The following PRR5L variants were observed in gnomAD, a reference collection of about 807,000 sequenced individuals.
PRR5L encodes proline rich 5 like.
A neutral mutation model predicts 36.4 loss-of-function variants in PRR5L; 21 were observed. That is an observed-to-expected ratio of 0.58 (90% CI 0.41 to 0.83). PRR5L has a LOEUF of 0.83. Among genes scored for constraint, PRR5L ranks in the 40% least tolerant of loss-of-function variants. The pLI is 0.00. For synonymous variants in PRR5L, 188 were observed against 197.0 expected (o/e 0.95, Z 0.38); for missense variants, 381 against 473.3 (o/e 0.80, Z 1.81).
intron 1 of PRR5L, among the ~76,000 whole-genome samples, chr11:36,389,585 T>C (rs1051982532): frequency 6.6e-6 from 1 of 150,918 alleles, no homozygotes; most frequent in African/African-American, 2.4e-5. Context: ...TTCAGTACCA[T>C]GGTGTTTACC....
intron 1 of PRR5L, among the ~76,000 whole-genome samples, chr11:36,303,268 G>C (rs1461898417): frequency 6.6e-6 from 1 of 152,200 alleles, no homozygotes; most frequent in Non-Finnish European, 1.5e-5. Context: ...AAATCTATAG[G>C]ACTTGGTACT....
chr11:36,310,049 G>T (rs1856483807), intron 1 of PRR5L, among the ~76,000 whole-genome samples: 1 of 7,512 alleles, frequency 1.3e-4, no homozygotes, highest in Admixed American at 1.9e-3. Context: ...GAAGCCTGTT[G>T]TGTCCTCTCA....
chr11:36,404,376 A>G (rs1245891098), intron 3 of PRR5L, among the ~76,000 whole-genome samples: 1 of 151,410 alleles, frequency 6.6e-6, no homozygotes, highest in African/African-American at 2.4e-5. Flanking sequence ...GGATCAAGCA[A>G]TTCCCTGCCT....
chr11:36,298,673 C>A (rs980899670), intron 1 of PRR5L, among the ~76,000 whole-genome samples: 1 of 152,222 alleles, frequency 6.6e-6, no homozygotes, highest in Non-Finnish European at 1.5e-5. Flanking sequence ...TCCTAACAGA[C>A]CACAGACCAG....
intron 5 of PRR5L, among the ~76,000 whole-genome samples, chr11:36,433,706 C>T (rs771932825): frequency 1.3e-5 from 2 of 152,234 alleles, no homozygotes; most frequent in South Asian, 2.1e-4. Context: ...CGTGCCACCA[C>T]GCCCAGCTAA....
At chr11:36,444,744 C>T (rs961674491) in intron 6 of PRR5L, among the ~76,000 whole-genome samples, 3 of 152,198 alleles carry the variant, frequency 2.0e-5, no homozygotes, top group African/African-American at 7.2e-5. Flanking sequence ...TCCTTTTTCT[C>T]TCTTCCCACA....
At chr11:36,335,539 C>T (rs1856760935) in intron 1 of PRR5L, among the ~76,000 whole-genome samples, 1 of 152,116 alleles carries the variant, frequency 6.6e-6, no homozygotes. Context: ...AGAAACAGGA[C>T]TGGTGTGCAG....
chr11:36,366,855 C>T (rs994226828), intron 1 of PRR5L, among the ~76,000 whole-genome samples: 3 of 152,148 alleles, frequency 2.0e-5, no homozygotes, highest in Non-Finnish European at 4.4e-5. Context: ...AGAATTCTTT[C>T]ACAGTAGAGT....
chr11:36,432,168 GT>G (rs932047822), intron 5 of PRR5L, among the ~76,000 whole-genome samples: 4 of 143,066 alleles, frequency 2.8e-5, no homozygotes, highest in African/African-American at 1.2e-4. Flanking sequence ...TTTTTGTTTT[GT>G]TTTTGTTTTT....
At chr11:36,395,204 T>C (rs532089878) in intron 1 of PRR5L, among the ~76,000 whole-genome samples, 7 of 152,300 alleles carry the variant, frequency 4.6e-5, no homozygotes, top group African/African-American at 1.4e-4. Context: ...TATCTACCCA[T>C]AGGGGACTGG....
chr11:36,437,828 C>T (rs331482), intron 6 of PRR5L, among the ~76,000 whole-genome samples: 40,192 of 151,816 alleles, frequency 0.26, 5,604 homozygotes, highest in South Asian at 0.43. Flanking sequence ...CTGCCTCTAT[C>T]TTTCTTCTCT....
chr11:36,346,354 C>A (rs1485326881), intron 1 of PRR5L, among the ~76,000 whole-genome samples: 1 of 152,080 alleles, frequency 6.6e-6, no homozygotes, highest in African/African-American at 2.4e-5. Context: ...GAGGCTGAGG[C>A]GGGTGGATCA....
intron 3 of PRR5L, among the ~76,000 whole-genome samples, chr11:36,411,247 C>T (rs1284484601): frequency 6.6e-6 from 1 of 152,164 alleles, no homozygotes; most frequent in Non-Finnish European, 1.5e-5. Context: ...TCCTGCTGTC[C>T]CTGCGCCTCT....
At chr11:36,354,802 A>T in intron 1 of PRR5L, among the ~76,000 whole-genome samples, 1 of 152,172 alleles carries the variant, frequency 6.6e-6, no homozygotes, top group East Asian at 1.9e-4. Context: ...AGGGAATCAT[A>T]CGGTATGTGA....
chr11:36,464,882 G>C lies in PRR5L; in HGVS notation c.*2146G>C, dbSNP rs1345433577. 1 of 152,192 alleles carries C rather than the reference G, an allele frequency of 6.6e-6. No homozygotes were observed. The highest frequency in any genetic ancestry group is 2.4e-5 in the African/African-American group (1 of 41,444). 9.4% of individuals were successfully genotyped at this position (152,192 alleles called of 1,614,324 possible). On this transcript the variant is annotated 3_prime_UTR_variant, in exon 9 of 9. Coordinates refer to ENST00000530639, the MANE Select transcript of PRR5L (RefSeq NM_001160167.2). Reference sequence around the variant, plus strand: ...GTCAGTATAGACCCAGTGTACTTAAGTGCTGATGACTGTTAGCCAGTTTAC... The same window carrying C: ...GTCAGTATAGACCCAGTGTACTTAACTGCTGATGACTGTTAGCCAGTTTAC...
intron 1 of PRR5L, chr11:36,395,985 C>T (rs1444042645): frequency 6.6e-6 from 1 of 152,228 alleles, no homozygotes; most frequent in Non-Finnish European, 1.5e-5. Flanking sequence ...CCGCCTCAGC[C>T]TCCCAAAGTG....
intron 4 of PRR5L, among the ~76,000 whole-genome samples, chr11:36,430,800 TCGCACAGCTAG>T (rs1858477342): frequency 6.6e-6 from 1 of 152,218 alleles, no homozygotes; most frequent in Admixed American, 6.5e-5. Context: ...AAATACAAAA[TCGCACAGCTAG>T]AATGTAGCTG....
chr11:36,362,045 AG>A (rs1478579974), intron 1 of PRR5L: 1 of 137,548 alleles, frequency 7.3e-6, no homozygotes, highest in Non-Finnish European at 1.6e-5. Context: ...ATAACAAATG[AG>A]TACATAAAAG....
At chr11:36,314,119 C>G (rs977516204) in intron 1 of PRR5L, among the ~76,000 whole-genome samples, 1 of 152,162 alleles carries the variant, frequency 6.6e-6, no homozygotes, top group Non-Finnish European at 1.5e-5. Context: ...AGTGTAGAAA[C>G]TTAGTCTCAA....
Sources: gnomAD v4.1 joint callset for allele counts (sites outside exome capture counted in the v4.1 genomes callset) on GRCh38, gnomAD v4.1.1 for gene constraint, MANE v1.5 for transcripts, NCBI Gene and HGNC (gene_info 2026-07-23, HGNC 2026-07-21) for gene names.